The following STXBP6 variants were observed in gnomAD, a reference collection of about 807,000 sequenced individuals.
The protein encoded by STXBP6 is syntaxin-binding protein 6.
In STXBP6, 21 loss-of-function variants were observed where a neutral mutation model predicts 26.9. That is an observed-to-expected ratio of 0.78 (90% CI 0.55 to 1.12). The LOEUF is 1.12. Ranked by LOEUF, STXBP6 falls within the 50% of genes most tolerant of loss-of-function variation. The pLI, the probability that STXBP6 is intolerant of heterozygous loss-of-function variation, is 0.00. For missense variants in STXBP6, 232 were observed against 257.9 expected, an observed-to-expected ratio of 0.90 and a Z score of 0.69; for synonymous variants, 97 against 92.6, an observed-to-expected ratio of 1.05 and a Z score of -0.27.
intron 5 of STXBP6, 23 bp downstream of exon 5, chr14:24,819,014 A>C (rs779406252): frequency 2.6e-6 from 4 of 1,551,704 alleles, no homozygotes; most frequent in Non-Finnish European, 3.5e-6. Context: ...AGAGCTGAGA[A>C]GCCTGCTCCT....
At chr14:24,894,760 T>C (rs1241597) in intron 2 of STXBP6, among the ~76,000 whole-genome samples, 100,645 of 152,008 alleles carry the variant, frequency 0.66, 33,439 homozygotes, top group East Asian at 0.76. Flanking sequence ...TAAGGAACTC[T>C]TGCATTGTGT....
At chr14:24,844,700 A>C (rs1258638676) in intron 4 of STXBP6, among the ~76,000 whole-genome samples, 3 of 152,212 alleles carry the variant, frequency 2.0e-5, no homozygotes, top group Non-Finnish European at 4.4e-5. Context: ...GATACAGAAA[A>C]TTGTTAAATT....
intron 4 of STXBP6, among the ~76,000 whole-genome samples, chr14:24,828,391 CAA>C (rs1455145213): frequency 1.3e-5 from 2 of 151,968 alleles, no homozygotes; most frequent in Admixed American, 6.6e-5. Flanking sequence ...AATGATAAAA[CAA>C]GAGAGTTAAC....
chr14:25,029,145 G>T (rs7152812), intron 1 of STXBP6, among the ~76,000 whole-genome samples: 18,639 of 152,174 alleles, frequency 0.12, 1,238 homozygotes, highest in African/African-American at 0.13. Context: ...GAGTTTGAAA[G>T]GATTGATTCC....
At chr14:24,863,429 T>C (rs1304788157) in intron 2 of STXBP6, among the ~76,000 whole-genome samples, 1 of 152,182 alleles carries the variant, frequency 6.6e-6, no homozygotes, top group South Asian at 2.1e-4. Flanking sequence ...CAAGAAACCA[T>C]GAACTTACTT....
chr14:24,981,255 A>G (rs2074184158), intron 1 of STXBP6, among the ~76,000 whole-genome samples: 1 of 151,964 alleles, frequency 6.6e-6, no homozygotes, highest in Non-Finnish European at 1.5e-5. Context: ...TGTAAATTAG[A>G]ATCTTCAGAT....
chr14:24,974,516 G>A, intron 2 of STXBP6, 149 bp downstream of exon 2: 1 of 613,310 alleles, frequency 1.6e-6, no homozygotes, highest in Non-Finnish European at 2.6e-6. Context: ...GGTGTCACCA[G>A]TAAAGAGGAA....
chr14:24,899,812 A>AAAAAGCAAAAAAAAG (rs2071147173), intron 2 of STXBP6, among the ~76,000 whole-genome samples: 1 of 144,650 alleles, frequency 6.9e-6, no homozygotes, highest in African/African-American at 2.8e-5. Context: ...AAAAAAAAAA[A>AAAAAGCAAAAAAAAG]AAAAGAGTAA....
chr14:24,845,015 CTTTT>C (rs377626533), intron 4 of STXBP6, among the ~76,000 whole-genome samples: 1 of 141,956 alleles, frequency 7.0e-6, no homozygotes, highest in African/African-American at 2.6e-5. Context: ...TCATCAAAAG[CTTTT>C]TTTTTTTTTT....
chr14:24,889,304 C>T (rs1258579916), intron 2 of STXBP6, among the ~76,000 whole-genome samples: 1 of 121,398 alleles, frequency 8.2e-6, no homozygotes, highest in East Asian at 2.7e-4. Context: ...AAAACAACAA[C>T]AACAATAACA....
chr14:24,838,716 G>A (rs1366834565), intron 4 of STXBP6, among the ~76,000 whole-genome samples: 1 of 151,842 alleles, frequency 6.6e-6, no homozygotes, highest in African/African-American at 2.4e-5. Context: ...AAAATGGCCA[G>A]TAACTTAAGG....
intron 2 of STXBP6, among the ~76,000 whole-genome samples, chr14:24,938,203 G>C (rs1197903460): frequency 6.6e-6 from 1 of 152,172 alleles, no homozygotes; most frequent in African/African-American, 2.4e-5. Flanking sequence ...TCTCACGCAA[G>C]AGCAGTATGA....
chr14:25,020,881 C>T (rs1425680372), intron 1 of STXBP6, among the ~76,000 whole-genome samples: 1 of 152,150 alleles, frequency 6.6e-6, no homozygotes, highest in Non-Finnish European at 1.5e-5. Context: ...TTAGATGATG[C>T]CTACTGTATC....
chr14:24,991,712 A>G (rs925697449), intron 1 of STXBP6, among the ~76,000 whole-genome samples: 1 of 152,252 alleles, frequency 6.6e-6, no homozygotes, highest in Non-Finnish European at 1.5e-5. Context: ...TATGTCATCT[A>G]ACAAAAGAAA....
At chr14:24,895,583 T>C (rs1241589) in intron 2 of STXBP6, among the ~76,000 whole-genome samples, 51,333 of 152,038 alleles carry the variant, frequency 0.34, 8,779 homozygotes, top group African/African-American at 0.41. Flanking sequence ...TCCAGACACA[T>C]ACAGGATTGA....
At chr14:24,883,111 T>C (rs1238955235) in intron 2 of STXBP6, among the ~76,000 whole-genome samples, 2 of 152,202 alleles carry the variant, frequency 1.3e-5, no homozygotes, top group African/African-American at 4.8e-5. Context: ...TGGAAAGATG[T>C]TCATTTAGAA....
At chr14:24,963,996 CCAAAA>C (rs1284237208) in intron 2 of STXBP6, among the ~76,000 whole-genome samples, 2 of 131,810 alleles carry the variant, frequency 1.5e-5, no homozygotes, top group East Asian at 4.3e-4. Flanking sequence ...AAAAAAAAAG[CCAAAA>C]CAAGTACCAG....
intron 4 of STXBP6, among the ~76,000 whole-genome samples, chr14:24,842,559 C>CA (rs1466263670): frequency 6.6e-6 from 1 of 152,144 alleles, no homozygotes; most frequent in Non-Finnish European, 1.5e-5. Context: ...TACAAATTTA[C>CA]AATGCCAAAC....
chr14:25,025,228 G>A (rs1409742123), intron 1 of STXBP6, among the ~76,000 whole-genome samples: 2 of 151,940 alleles, frequency 1.3e-5, no homozygotes, highest in Admixed American at 1.3e-4. Context: ...AACACTTAGA[G>A]CAGAGTTTTA....
Sources: gnomAD v4.1 joint callset for allele counts (sites outside exome capture counted in the v4.1 genomes callset) on GRCh38, gnomAD v4.1.1 for gene constraint, MANE v1.5 for transcripts, NCBI Gene and HGNC (gene_info 2026-07-23, HGNC 2026-07-21) for gene names.